The following PIK3CB variants were observed in gnomAD, a reference collection of about 807,000 sequenced individuals.
PIK3CB encodes phosphatidylinositol 4,5-bisphosphate 3-kinase catalytic subunit beta isoform.
In PIK3CB, 39 loss-of-function variants were observed where a neutral mutation model predicts 136.8. The ratio of observed to expected loss-of-function variants is 0.29; its 90% CI spans 0.22 to 0.37. PIK3CB has a LOEUF of 0.37. PIK3CB is among the 10% of genes least tolerant of loss of function. The probability of loss-of-function intolerance (pLI) is 1.00; values close to 1 mark genes in which losing one functional copy is unlikely to be tolerated. For missense variants in PIK3CB, 868 were observed against 1,275.4 expected, an observed-to-expected ratio of 0.68 and a Z score of 4.87; for synonymous variants, 428 against 436.6, an observed-to-expected ratio of 0.98 and a Z score of 0.25.
At chr3:138,725,267 A>G (rs2044813071) in intron 8 of PIK3CB, among the ~76,000 whole-genome samples, 1 of 152,238 alleles carries the variant, frequency 6.6e-6, no homozygotes, top group South Asian at 2.1e-4. Flanking sequence ...TGAGACCTAT[A>G]TAACTAGGCT....
chr3:138,740,142 A>C (rs1383485262), intron 5 of PIK3CB, among the ~76,000 whole-genome samples: 1 of 151,772 alleles, frequency 6.6e-6, no homozygotes, highest in Non-Finnish European at 1.5e-5. Context: ...TGGATCACTT[A>C]AGCTCAGGAG....
intron 8 of PIK3CB, among the ~76,000 whole-genome samples, chr3:138,726,345 C>T (rs753251894): frequency 5.3e-5 from 8 of 152,142 alleles, no homozygotes; most frequent in Non-Finnish European, 7.3e-5. Context: ...CAGAAAGCTG[C>T]GGCTTTATTC....
Position 138,674,190 on chromosome 3 carries a change from T to C in PIK3CB, c.2504+7777A>G, listed in dbSNP as rs563835152. Among the ~76,000 whole-genome samples, 3 of 152,066 alleles carry C rather than the reference T, an allele frequency of 2.0e-5. No homozygotes were observed. In the South Asian group the frequency reaches 6.2e-4, roughly 32 times the overall value. On this transcript the variant is annotated intron_variant, in intron 19 of 23. Coordinates refer to ENST00000674063, the MANE Select transcript of PIK3CB (RefSeq NM_006219.3). ...TCTAGAAGGCCGTGTGCATGGATACTATTGTGGATTCCCAGGTCTGTGTAC... is the reference window on the plus strand; with the variant it reads ...TCTAGAAGGCCGTGTGCATGGATACCATTGTGGATTCCCAGGTCTGTGTAC...
At position 138,737,745 on chromosome 3, in the gene PIK3CB, C is replaced by A; in HGVS notation, c.763G>T (p.Glu255Ter). 1.2e-6 allele frequency: 2 copies of A among 1,609,216 alleles called. No homozygotes were observed. Among genetic ancestry groups the A allele is most frequent in the Non-Finnish European group, 8.5e-7 (1 of 1,177,684 alleles). Reference protein sequence around the residue: ...DYVLQVSGRVEYVFGDHPLIQ... With the variant: ...DYVLQVSGRV ...AGTGGATGATCACCAAAAACATATT[C>A]TACTCTCCCGCTGACTTGCAACACA... Residue 255 changes from glutamate (E) to a stop codon, truncating the protein, a stop_gained, in exon 6 of 24, where the codon GAA becomes TAA. Transcript: ENST00000674063. LOFTEE classifies it high-confidence loss of function.
intron 19 of PIK3CB, among the ~76,000 whole-genome samples, chr3:138,676,819 T>C (rs774063980): frequency 7.9e-5 from 12 of 152,126 alleles, no homozygotes; most frequent in Non-Finnish European, 1.5e-4. Context: ...TAATTAGTGG[T>C]TGCCTAGAAT....
At chr3:138,829,503 G>A (rs1230624487) in intron 1 of PIK3CB, among the ~76,000 whole-genome samples, 1 of 152,144 alleles carries the variant, frequency 6.6e-6, no homozygotes, top group Non-Finnish European at 1.5e-5. Flanking sequence ...AATTTAGAGT[G>A]TGCTCAAGGA....
At chr3:138,704,597 C>G (rs1400107953) in intron 11 of PIK3CB, 104 bp from the exon 12 acceptor site, 4 of 760,974 alleles carry the variant, frequency 5.3e-6, no homozygotes, top group African/African-American at 3.5e-5. Context: ...TCTGGCATTG[C>G]TATGCTTTGT....
rs560932774 is a variant in PIK3CB at position 138,681,515 on chromosome 3, C to T, written c.2504+452G>A. Among the ~76,000 whole-genome samples, 126 of 152,216 alleles carry T rather than the reference C, an allele frequency of 8.3e-4. 2 individuals are homozygous for T. In the South Asian group the frequency reaches 0.024, roughly 29 times the overall value. ...CTGTCACGACACCACAAACCTCTTC[C>T]GCTCACTATCTACCCCTATTGATGG... On this transcript the variant is annotated intron_variant, in intron 19 of 23. Coordinates refer to ENST00000674063, the MANE Select transcript of PIK3CB (RefSeq NM_006219.3).
intron 1 of PIK3CB, among the ~76,000 whole-genome samples, chr3:138,813,567 A>C (rs1933172925): frequency 6.6e-6 from 1 of 150,664 alleles, no homozygotes; most frequent in African/African-American, 2.4e-5. Flanking sequence ...ACAGGCGCCC[A>C]CCACCACACC....
In PIK3CB at chr3:138,653,516, A is replaced by G. The variant is rs2043147198; in HGVS notation, c.*1873T>C. 1.1e-5 allele frequency: 2 copies of G among 181,080 alleles called. No homozygotes were observed. Among genetic ancestry groups the G allele is most frequent in the African/African-American group, 4.7e-5 (2 of 42,352 alleles). 11.2% of individuals were successfully genotyped at this position (181,080 alleles called of 1,614,324 possible). ...CCATTTCTTCCTGGCAGTGTTCACC[A>G]TTCTCCAAACCACTGACCTGCGGCC... On this transcript the variant is annotated 3_prime_UTR_variant, in exon 24 of 24. Transcript: ENST00000674063.
At position 138,714,623 on chromosome 3, in the gene PIK3CB, C is replaced by G; in HGVS notation, c.1147G>C (p.Glu383Gln). 6.2e-7 allele frequency: 1 copy of G among 1,613,128 alleles called. No homozygotes were observed. Among genetic ancestry groups the G allele is most frequent in the South Asian group, 1.1e-5 (1 of 91,054 alleles). The change falls in exon 9 of 24, where the codon GAA becomes CAA. Residue 383 changes from glutamate (E) to glutamine (Q), a missense_variant. Glu to Gln is a conservative substitution (Grantham distance 29). This residue lies in a region of PIK3CB where 612 missense variants were observed against 801.1 expected (regional missense o/e 0.76). Transcript: ENST00000674063. ...ATATTAATATCAAATTCCAGTGGTTCATTCCAAATATGATCATTTTTCCCT... is the reference window on the plus strand; with the variant it reads ...ATATTAATATCAAATTCCAGTGGTTGATTCCAAATATGATCATTTTTCCCT... ...VSGKNDHIWN[E>Q]PLEFDINICD...
chr3:138,768,327 GT>G (rs1188632454), intron 2 of PIK3CB, among the ~76,000 whole-genome samples: 1 of 151,910 alleles, frequency 6.6e-6, no homozygotes, highest in Non-Finnish European at 1.5e-5. Flanking sequence ...TTGTCCTGAT[GT>G]CTGCTGCTCT....
intron 11 of PIK3CB, among the ~76,000 whole-genome samples, chr3:138,705,198 A>C (rs935779010): frequency 6.9e-6 from 1 of 144,174 alleles, no homozygotes; most frequent in Non-Finnish European, 1.5e-5. Flanking sequence ...AACAAAAAAA[A>C]AAACTTATAT....
chr3:138,729,117 C>G (rs2044910534), intron 8 of PIK3CB, among the ~76,000 whole-genome samples: 1 of 151,860 alleles, frequency 6.6e-6, no homozygotes, highest in Non-Finnish European at 1.5e-5. Context: ...CCTGTCTCTA[C>G]TAAAAATACA....
intron 8 of PIK3CB, among the ~76,000 whole-genome samples, chr3:138,725,568 T>A (rs191176714): frequency 6.6e-6 from 1 of 152,244 alleles, no homozygotes; most frequent in Non-Finnish European, 1.5e-5. Flanking sequence ...AAAATTTGTA[T>A]TGATTAATCT....
chr3:138,712,310 GA>G lies in PIK3CB; in HGVS notation c.1303-7del. 2.8e-6 allele frequency: 4 copies of G among 1,416,452 alleles called. No homozygotes were observed. Among genetic ancestry groups the G allele is most frequent in the Non-Finnish European group, 2.9e-6 (3 of 1,031,562 alleles). The allele number at this position is 1,416,452 out of a possible 1,614,324, so 87.7% of individuals were successfully genotyped here. ...ACCCACGCTACAGGATAATGCTGTT[GA>G]AAAAGATACCATTGCATAAATATGC... On this transcript the variant is annotated splice_region_variant and splice_polypyrimidine_tract_variant and intron_variant, in intron 9 of 23. Coordinates refer to ENST00000674063, the MANE Select transcript of PIK3CB (RefSeq NM_006219.3).
chr3:138,833,654 A>G (rs1164081223), intron 1 of PIK3CB, among the ~76,000 whole-genome samples: 10 of 152,186 alleles, frequency 6.6e-5, no homozygotes, highest in Admixed American at 2.0e-4. Context: ...ACTGCCCACA[A>G]TGATGTTTAC....
chr3:138,726,886 C>CAA (rs35003110), intron 8 of PIK3CB, among the ~76,000 whole-genome samples: 4 of 139,420 alleles, frequency 2.9e-5, no homozygotes, highest in African/African-American at 2.7e-5. Flanking sequence ...TATAAAAAGT[C>CAA]AAAAAAAAAA....
At chr3:138,799,273 G>A (rs1031927715) in intron 1 of PIK3CB, among the ~76,000 whole-genome samples, 1 of 150,638 alleles carries the variant, frequency 6.6e-6, no homozygotes, top group East Asian at 2.0e-4. Context: ...CACCTCCCCG[G>A]TTCAAGCAAT....
Sources: allele counts gnomAD v4.1 joint callset (sites outside exome capture counted in the v4.1 genomes callset), GRCh38; gene constraint gnomAD v4.1.1; regional missense constraint gnomAD v4.1.1; transcripts MANE v1.5; gene names NCBI Gene and HGNC (gene_info 2026-07-23, HGNC 2026-07-21).